Variants in CLSTN2 observed in about 807,000 individuals in gnomAD.
The protein encoded by CLSTN2 is calsyntenin-2.
Under a neutral mutation model 101.2 loss-of-function variants are expected in CLSTN2, and 48 were observed. That is an observed-to-expected ratio of 0.47 (90% CI 0.38 to 0.60). CLSTN2 has a LOEUF of 0.60. CLSTN2 is among the 20% of genes least tolerant of loss of function. CLSTN2 has a pLI of 0.00. For synonymous variants in CLSTN2, 481 were observed against 463.6 expected (o/e 1.04, Z -0.48); for missense variants, 1,160 against 1,238.2 (o/e 0.94, Z 0.95).
rs115481975 is a variant in CLSTN2, at chr3:140,271,821, G to A, written c.232+95748G>A. On this transcript the variant is annotated intron_variant, in intron 2 of 16. Coordinates refer to ENST00000458420, the MANE Select transcript of CLSTN2 (RefSeq NM_022131.3). Reference sequence around the variant, plus strand: ...CTAGTTTTAAAAACAAGGAAAGCTCGTGAAAGTCACACGCTACATGTGCTT... The same window carrying A: ...CTAGTTTTAAAAACAAGGAAAGCTCATGAAAGTCACACGCTACATGTGCTT... 6.7e-3 allele frequency among the ~76,000 whole-genome samples: 1,024 copies of A among 152,348 alleles called. 10 individuals carry two copies. Among genetic ancestry groups the A allele is most frequent in the African/African-American group, 0.024 (985 of 41,578 alleles).
At chr3:140,282,782 A>C (rs549581496) in intron 2 of CLSTN2, among the ~76,000 whole-genome samples, 2 of 152,278 alleles carry the variant, frequency 1.3e-5, no homozygotes, top group East Asian at 3.9e-4. Context: ...GTCTCAATTC[A>C]AAAATGACTC....
At chr3:140,142,117 A>G (rs894035136) in intron 1 of CLSTN2, among the ~76,000 whole-genome samples, 1 of 152,202 alleles carries the variant, frequency 6.6e-6, no homozygotes, top group Admixed American at 6.5e-5. Context: ...TGCGATTTGT[A>G]TAAGGAGACA....
chr3:140,361,335 A>G (rs1299838875), intron 2 of CLSTN2, among the ~76,000 whole-genome samples: 2 of 152,168 alleles, frequency 1.3e-5, no homozygotes, highest in East Asian at 3.9e-4. Context: ...AACTTCTTCA[A>G]CCTCACAAAG....
chr3:140,560,468 C>T (rs1935889066), intron 12 of CLSTN2, among the ~76,000 whole-genome samples: 1 of 152,220 alleles, frequency 6.6e-6, no homozygotes, highest in Non-Finnish European at 1.5e-5. Flanking sequence ...CCTTCAGCAC[C>T]TCCCCAAGAA....
intron 2 of CLSTN2, among the ~76,000 whole-genome samples, chr3:140,358,129 C>T (rs2087692867): frequency 6.6e-6 from 1 of 152,080 alleles, no homozygotes; most frequent in Non-Finnish European, 1.5e-5. Context: ...AGGTGGCCAA[C>T]CAATGGGTCT....
chr3:140,128,203 C>T (rs2009466967), intron 1 of CLSTN2, among the ~76,000 whole-genome samples: 1 of 152,048 alleles, frequency 6.6e-6, no homozygotes, highest in Non-Finnish European at 1.5e-5. Context: ...ATGTTAAGCT[C>T]TCCCAATTAA....
At chr3:140,457,867 T>C (rs1440883208) in intron 6 of CLSTN2, among the ~76,000 whole-genome samples, 1 of 152,220 alleles carries the variant, frequency 6.6e-6, no homozygotes, top group African/African-American at 2.4e-5. Flanking sequence ...CTTTGATACA[T>C]ACAAACTACA....
At chr3:140,374,155 C>G (rs765806330) in intron 2 of CLSTN2, among the ~76,000 whole-genome samples, 6 of 152,224 alleles carry the variant, frequency 3.9e-5, no homozygotes, top group Non-Finnish European at 7.3e-5. Context: ...CAAACTCCTT[C>G]CCACTGGTGT....
chr3:140,512,362 A>G (rs914816624), intron 8 of CLSTN2, among the ~76,000 whole-genome samples: 1 of 152,168 alleles, frequency 6.6e-6, no homozygotes, highest in Non-Finnish European at 1.5e-5. Flanking sequence ...AGCACGATTT[A>G]TTAAATAGGG....
chr3:140,063,307 G>C (rs2008237863), intron 1 of CLSTN2, among the ~76,000 whole-genome samples: 1 of 152,168 alleles, frequency 6.6e-6, no homozygotes, highest in South Asian at 2.1e-4. Flanking sequence ...AGTGAACCCT[G>C]GGCTAGATGG....
intron 4 of CLSTN2, among the ~76,000 whole-genome samples, chr3:140,419,020 G>A (rs191663874): frequency 7.2e-6 from 1 of 139,358 alleles, no homozygotes; most frequent in Non-Finnish European, 1.5e-5. Context: ...TTGTGTAATT[G>A]GTGGACCTTT....
At chr3:140,372,934 T>C (rs923624085) in intron 2 of CLSTN2, among the ~76,000 whole-genome samples, 14 of 152,156 alleles carry the variant, frequency 9.2e-5, no homozygotes, top group African/African-American at 3.4e-4. Flanking sequence ...CCAGGCATAA[T>C]GGCATGTGCC....
rs1666935354 is a variant in CLSTN2 at position 140,566,706 on chromosome 3, TG to T, written c.*455del. The stretch of plus-strand genomic sequence containing the variant: ...TCCAGGTTGCTTCATACAAGGAGGG[TG>T]GTTGAACTTCACACACGTAAGGTCT... On this transcript the variant is annotated 3_prime_UTR_variant, in exon 17 of 17. Transcript: ENST00000458420. 5.2e-6 allele frequency: 1 copy of T among 192,664 alleles called. No individual in the cohort carries two copies. Among genetic ancestry groups the T allele is most frequent in the Non-Finnish European group, 1.1e-5 (1 of 90,286 alleles). 11.9% of individuals were successfully genotyped at this position (192,664 alleles called of 1,614,324 possible).
chr3:140,536,454 C>A (rs532111185), intron 9 of CLSTN2, among the ~76,000 whole-genome samples: 1 of 152,266 alleles, frequency 6.6e-6, no homozygotes, highest in Non-Finnish European at 1.5e-5. Context: ...TTTCCCATAG[C>A]TCCTTGCATG....
intron 2 of CLSTN2, among the ~76,000 whole-genome samples, chr3:140,184,894 G>A (rs1451218152): frequency 3.3e-5 from 5 of 151,928 alleles, no homozygotes; most frequent in East Asian, 1.9e-4. Context: ...TTTTCTTCCC[G>A]CACATATACA....
chr3:140,543,998 C>T (rs1935537278), intron 9 of CLSTN2, among the ~76,000 whole-genome samples: 1 of 152,136 alleles, frequency 6.6e-6, no homozygotes, highest in Non-Finnish European at 1.5e-5. Flanking sequence ...AAGTCAATAA[C>T]CCTAAACTTT....
intron 1 of CLSTN2, among the ~76,000 whole-genome samples, chr3:139,998,336 C>CTTTTTTT (rs60541490): frequency 0.082 from 5,482 of 66,518 alleles, 922 homozygotes; most frequent in African/African-American, 0.12. Flanking sequence ...CCCCACATGC[C>CTTTTTTT]TTTTTTTTTT....
intron 2 of CLSTN2, among the ~76,000 whole-genome samples, chr3:140,187,964 T>C (rs1239760359): frequency 6.6e-6 from 1 of 152,140 alleles, no homozygotes; most frequent in Non-Finnish European, 1.5e-5. Context: ...AAAGGAATCC[T>C]TGAGTAGCAT....
At chr3:140,161,632 A>C (rs2010048063) in intron 1 of CLSTN2, among the ~76,000 whole-genome samples, 1 of 152,132 alleles carries the variant, frequency 6.6e-6, no homozygotes, top group Admixed American at 6.6e-5. Context: ...AAATCTAAGA[A>C]ATAATTATGT....
Sources: allele counts gnomAD v4.1 joint callset (sites outside exome capture counted in the v4.1 genomes callset), GRCh38; gene constraint gnomAD v4.1.1; transcripts MANE v1.5; gene names NCBI Gene and HGNC (gene_info 2026-07-23, HGNC 2026-07-21).